CA10: variants seen among roughly 807,000 people sequenced by gnomAD.
CA10 encodes carbonic anhydrase-related protein 10.
A neutral mutation model predicts 44.2 loss-of-function variants in CA10; 14 were observed. The ratio of observed to expected loss-of-function variants is 0.32; its 90% CI spans 0.21 to 0.50. CA10 has a LOEUF of 0.50. CA10 is among the 20% of genes least tolerant of loss of function. The pLI, the probability that CA10 is intolerant of heterozygous loss-of-function variation, is 0.99. For synonymous variants in CA10, 159 were observed against 141.6 expected (o/e 1.12, Z -0.87); for missense variants, 350 against 409.7 (o/e 0.85, Z 1.26).
At chr17:51,692,846 G>T (rs544146090) in intron 4 of CA10, among the ~76,000 whole-genome samples, 1 of 152,184 alleles carries the variant, frequency 6.6e-6, no homozygotes, top group South Asian at 2.1e-4. Flanking sequence ...GTTTCAACTG[G>T]CCGTGACTGG....
chr17:51,722,890 T>C (rs1916391717), intron 4 of CA10, among the ~76,000 whole-genome samples: 1 of 152,164 alleles, frequency 6.6e-6, no homozygotes, highest in Non-Finnish European at 1.5e-5. Context: ...AAAAACCCAT[T>C]TGTCTTCTTA....
At chr17:51,707,086 T>C (rs1208959630) in intron 4 of CA10, among the ~76,000 whole-genome samples, 1 of 152,222 alleles carries the variant, frequency 6.6e-6, no homozygotes, top group Non-Finnish European at 1.5e-5. Context: ...TTTTTGTTCT[T>C]TTTTTGTTCC....
chr17:52,052,304 A>ATT (rs746707046), intron 2 of CA10, among the ~76,000 whole-genome samples: 56 of 130,618 alleles, frequency 4.3e-4, no homozygotes, highest in African/African-American at 4.6e-4. Flanking sequence ...TTTTTTAAAA[A>ATT]AAAAAAAAAA....
intron 3 of CA10, among the ~76,000 whole-genome samples, chr17:51,822,931 T>TATTG (rs1907868765): frequency 6.6e-6 from 1 of 152,186 alleles, no homozygotes; most frequent in Non-Finnish European, 1.5e-5. Flanking sequence ...CCTTCTACAA[T>TATTG]GGCCTAAGGA....
intron 3 of CA10, among the ~76,000 whole-genome samples, chr17:51,896,951 T>C (rs1981096747): frequency 6.6e-6 from 1 of 152,068 alleles, no homozygotes; most frequent in Admixed American, 6.6e-5. Context: ...TTTAAGTTGC[T>C]TGTAGATGCT....
chr17:51,930,767 C>A (rs1011812802), intron 3 of CA10, among the ~76,000 whole-genome samples: 8 of 152,060 alleles, frequency 5.3e-5, no homozygotes, highest in Non-Finnish European at 1.2e-4. Context: ...CTTCAGGCAA[C>A]CTCCAGGAGG....
intron 3 of CA10, among the ~76,000 whole-genome samples, chr17:51,792,446 G>A (rs1906556111): frequency 1.3e-5 from 2 of 152,174 alleles, no homozygotes; most frequent in South Asian, 4.1e-4. Flanking sequence ...AAGATTGGTG[G>A]CAGCATATGT....
chr17:51,949,779 C>G (rs1208643336), intron 2 of CA10, among the ~76,000 whole-genome samples: 1 of 152,100 alleles, frequency 6.6e-6, no homozygotes, highest in Non-Finnish European at 1.5e-5. Flanking sequence ...TTGGGCTAAT[C>G]TTAATCTGTG....
chr17:51,782,873 T>C (rs1161932378), intron 3 of CA10, among the ~76,000 whole-genome samples: 2 of 152,220 alleles, frequency 1.3e-5, no homozygotes, highest in Non-Finnish European at 2.9e-5. Flanking sequence ...AGCAGTGACG[T>C]ATCAGTGTCA....
At chr17:51,834,070 G>A (rs1013791708) in intron 3 of CA10, among the ~76,000 whole-genome samples, 3 of 152,156 alleles carry the variant, frequency 2.0e-5, no homozygotes, top group African/African-American at 7.2e-5. Context: ...CAATGGCCAA[G>A]TGAAAATTAA....
At chr17:52,120,341 A>G (rs1988986395) in intron 1 of CA10, among the ~76,000 whole-genome samples, 2 of 152,096 alleles carry the variant, frequency 1.3e-5, no homozygotes, top group African/African-American at 2.4e-5. Flanking sequence ...CCTATGAGGG[A>G]GATCTGATTG....
intron 1 of CA10, among the ~76,000 whole-genome samples, chr17:52,090,210 C>T (rs1988222795): frequency 6.6e-6 from 1 of 152,066 alleles, no homozygotes; most frequent in Admixed American, 6.6e-5. Context: ...AAGTGATAGG[C>T]CAAGTAGGCG....
chr17:51,844,498 C>G (rs748394313), intron 3 of CA10, among the ~76,000 whole-genome samples: 3 of 152,124 alleles, frequency 2.0e-5, no homozygotes, highest in Admixed American at 6.5e-5. Context: ...AATATTTTCA[C>G]TCATCTTTAA....
At chr17:51,814,981 G>A (rs1365063271) in intron 3 of CA10, among the ~76,000 whole-genome samples, 2 of 152,174 alleles carry the variant, frequency 1.3e-5, no homozygotes, top group African/African-American at 4.8e-5. Flanking sequence ...GAAAGGTGTA[G>A]TGAAATTTCT....
At chr17:52,072,485 T>A in intron 1 of CA10, 92 bp from the exon 2 acceptor site, 2 of 904,768 alleles carry the variant, frequency 2.2e-6, no homozygotes, top group South Asian at 3.0e-5. Flanking sequence ...ATCCATAAAA[T>A]AACCCTTTTC....
At chr17:51,849,205 G>GTATA (rs550889856) in intron 3 of CA10, among the ~76,000 whole-genome samples, 1 of 50,414 alleles carries the variant, frequency 2.0e-5, no homozygotes, top group Non-Finnish European at 3.8e-5. Flanking sequence ...ATACATATAT[G>GTATA]TATATATATA....
chr17:51,959,304 G>C (rs1464171566), intron 2 of CA10, among the ~76,000 whole-genome samples: 19 of 149,840 alleles, frequency 1.3e-4, no homozygotes, highest in African/African-American at 3.2e-4. Context: ...GTGTGTGTGT[G>C]TGTGTGTGTG....
intron 2 of CA10, among the ~76,000 whole-genome samples, chr17:51,976,497 T>C (rs572735212): frequency 6.6e-6 from 1 of 152,252 alleles, no homozygotes; most frequent in Non-Finnish European, 1.5e-5. Flanking sequence ...AGTTCTAAAA[T>C]ACTTATGTGT....
chr17:51,968,430 A>G (rs868477057), intron 2 of CA10, among the ~76,000 whole-genome samples: 1 of 151,964 alleles, frequency 6.6e-6, no homozygotes, highest in East Asian at 1.9e-4. Flanking sequence ...AACACCATGA[A>G]TGAATCTCAA....
Sources: allele counts gnomAD v4.1 joint callset (sites outside exome capture counted in the v4.1 genomes callset), GRCh38; gene constraint gnomAD v4.1.1; transcripts MANE v1.5; gene names NCBI Gene and HGNC (gene_info 2026-07-23, HGNC 2026-07-21).